Variants in JAG1 observed in about 807,000 individuals in gnomAD.
JAG1 encodes the protein jagged canonical Notch ligand 1.
A neutral mutation model predicts 148.7 loss-of-function variants in JAG1; 23 were observed. The ratio of observed to expected loss-of-function variants is 0.15; its 90% CI spans 0.11 to 0.22. The LOEUF (loss-of-function observed/expected upper bound fraction) is 0.22, where lower values mean the gene tolerates loss of function less well. JAG1 is among the 10% of genes least tolerant of loss of function. The pLI, the probability that JAG1 is intolerant of heterozygous loss-of-function variation, is 1.00. For synonymous variants in JAG1, 572 were observed against 598.3 expected (o/e 0.96, Z 0.64); for missense variants, 1,054 against 1,611.2 (o/e 0.65, Z 5.92).
rs749293754 is a variant in JAG1 at position 10,658,669 on chromosome 20, G to T, written c.493C>A (p.Arg165=). ...ASHSGMINPS[R]QWQTLKQNTG... is the part of the protein sequence containing the mutation. Reference sequence around the variant, plus strand: ...TTCTGCTTCAGCGTCTGCCACTGCCGGCTGGGGTTGATCATGCCCGAGTGA... The same window carrying T: ...TTCTGCTTCAGCGTCTGCCACTGCCTGCTGGGGTTGATCATGCCCGAGTGA... The change falls in exon 4 of 26, where the codon CGG becomes AGG. Residue 165 remains arginine (R), a synonymous_variant. Transcript: ENST00000254958. 3 of 1,614,084 alleles carry T rather than the reference G, an allele frequency of 1.9e-6. No homozygotes were observed. In the African/African-American group the frequency reaches 4.0e-5, roughly 22 times the overall value.
Position 10,652,721 on chromosome 20 carries a change from A to G in JAG1, c.756-123T>C, listed in dbSNP as rs553990059. 3.5e-5 allele frequency: 36 copies of G among 1,037,156 alleles called. No homozygotes were observed. In the African/African-American group the frequency reaches 5.7e-4, roughly 16 times the overall value. The allele number at this position is 1,037,156 out of a possible 1,614,324, so 64.2% of individuals were successfully genotyped here. A position where few individuals can be genotyped will look rare whatever the true frequency, so the allele number is the denominator to read the frequency against. On this transcript the variant is annotated intron_variant, in intron 5 of 25. Coordinates refer to ENST00000254958, the MANE Select transcript of JAG1 (RefSeq NM_000214.3). ...TTTGTTTCTGGGGACAGGAAGGTAG[A>G]CTCCCAAGGCTCATCAGGGGCTCCG...
chr20:10,663,929 T>A, intron 3 of JAG1, 34 bp downstream of exon 3: 2 of 1,587,010 alleles, frequency 1.3e-6, no homozygotes, highest in Non-Finnish European at 8.7e-7. Flanking sequence ...CTTCCACGTG[T>A]GTTTAGAGAA....
chr20:10,640,075 A>G (rs997327515), intron 25 of JAG1, 120 bp from the exon 26 acceptor site: 6 of 792,352 alleles, frequency 7.6e-6, no homozygotes, highest in Non-Finnish European at 1.3e-5. Context: ...GGGGGGCCAC[A>G]GGGACAAGTC....
chr20:10,653,337 A>G (rs2067358782), intron 5 of JAG1, among the ~76,000 whole-genome samples: 1 of 148,424 alleles, frequency 6.7e-6, no homozygotes, highest in Admixed American at 6.8e-5. Flanking sequence ...AGGTTCTTTT[A>G]TATAAGCACC....
chr20:10,648,793 C>A, intron 11 of JAG1, 71 bp from the exon 12 acceptor site: 1 of 1,448,682 alleles, frequency 6.9e-7, no homozygotes, highest in Non-Finnish European at 9.7e-7. Flanking sequence ...AGGGCTTCAG[C>A]GGTTTAGCAT....
At chr20:10,656,337 C>A in intron 5 of JAG1, 61 bp downstream of exon 5, 2 of 1,335,044 alleles carry the variant, frequency 1.5e-6, no homozygotes, top group South Asian at 2.3e-5. Context: ...ACAATAAAGT[C>A]AGTTCCTCTC....
chr20:10,641,550 C>T lies in JAG1; in HGVS notation c.2826G>A (p.Gln942=), dbSNP rs760765525. ...GVGECRSSSL[Q]PVKTKCTSDS... is the part of the protein sequence containing the mutation. Reference sequence around the variant, plus strand: ...CAGAGGTGCACTTTGTCTTCACCGGCTGGAGACTGGAAGACCGACACTCGC... The same window carrying T: ...CAGAGGTGCACTTTGTCTTCACCGGTTGGAGACTGGAAGACCGACACTCGC... The change falls in exon 23 of 26, where the codon CAG becomes CAA. Residue 942 remains glutamine, a synonymous_variant. Coordinates refer to ENST00000254958, the MANE Select transcript of JAG1 (RefSeq NM_000214.3). 7 of 1,614,210 alleles carry T rather than the reference C, an allele frequency of 4.3e-6. No individual in the cohort carries two copies. The highest frequency in any genetic ancestry group is 4.0e-5 in the African/African-American group (3 of 75,062).
chr20:10,645,929 G>T lies in JAG1; in HGVS notation c.1999+42C>A. 1.5e-6 allele frequency: 2 copies of T among 1,323,234 alleles called. No individual in the cohort carries two copies. The highest frequency in any genetic ancestry group is 2.2e-6 in the Non-Finnish European group (2 of 914,670). The allele number at this position is 1,323,234 out of a possible 1,614,324, so 82.0% of individuals were successfully genotyped here. ...CGTTGAAGTGGGATCCCTCCAACAT[G>T]ACCCATACATCCCAGAGCTCCCCAA... On this transcript the variant is annotated intron_variant, in intron 15 of 25. Coordinates refer to ENST00000254958, the MANE Select transcript of JAG1 (RefSeq NM_000214.3). The surrounding 1 kb of genome is among the most constrained non-coding windows in gnomAD (Gnocchi z 6.1).
rs2067271396 is a variant in JAG1, at chr20:10,641,511, C to T, written c.2865G>A (p.Gln955=). The change falls in exon 23 of 26, where the codon CAG becomes CAA. Residue 955 remains glutamine (Q), a synonymous_variant. Coordinates refer to ENST00000254958, the MANE Select transcript of JAG1 (RefSeq NM_000214.3). ...TAAATGTGATGTTCGCACAGTTATCCTGGTAATAGGAGTCAGAGGTGCACT... is the reference window on the plus strand; with the variant it reads ...TAAATGTGATGTTCGCACAGTTATCTTGGTAATAGGAGTCAGAGGTGCACT... ...KTKCTSDSYY[Q]DNCANITFTF... 1.2e-6 allele frequency: 2 copies of T among 1,614,090 alleles called. No individual in the cohort carries two copies. Among genetic ancestry groups the T allele is most frequent in the South Asian group, 2.2e-5 (2 of 91,088 alleles).
In JAG1 at chr20:10,673,505, C is replaced by A. The variant is rs1248965484; in HGVS notation, c.26G>T (p.Arg9Leu). The change falls in exon 1 of 26, where the codon CGG (arginine) becomes CTG (leucine). Residue 9 changes from arginine to leucine, a missense_variant. Arg to Leu is a moderately radical substitution (Grantham distance 102, BLOSUM62 -2). Coordinates refer to ENST00000254958, the MANE Select transcript of JAG1 (RefSeq NM_000214.3). This position sits in a 1 kb window ranked among gnomAD's most constrained non-coding sequence, Gnocchi z 4.7. MRSPRTRG[R>L]SGRPLSLLLA... ...CAGGAGGCTTAGGGGGCGCCCGGAC[C>A]GGCCGCGCGTCCGTGGGGAACGCAT... 3.2e-6 allele frequency: 4 copies of A among 1,267,686 alleles called. No individual in the cohort carries two copies. The highest frequency in any genetic ancestry group is 3.0e-6 in the Non-Finnish European group (3 of 999,616). 78.5% of individuals were successfully genotyped at this position (1,267,686 alleles called of 1,614,324 possible). A position where few individuals can be genotyped will look rare whatever the true frequency, so the allele number is the denominator to read the frequency against.
chr20:10,671,809 C>A (rs1416546230), intron 2 of JAG1, among the ~76,000 whole-genome samples: 8 of 152,210 alleles, frequency 5.3e-5, no homozygotes, highest in African/African-American at 1.9e-4. Flanking sequence ...GCAGGATCTG[C>A]CAGCTGGGCC....
intron 2 of JAG1, among the ~76,000 whole-genome samples, chr20:10,664,446 T>G (rs2067439156): frequency 2.0e-5 from 3 of 150,782 alleles, no homozygotes; most frequent in African/African-American, 7.3e-5. Context: ...AACCAGGTAT[T>G]TGTACCGAGG....
chr20:10,671,542 C>A (rs1456569268), intron 2 of JAG1, among the ~76,000 whole-genome samples: 1 of 152,092 alleles, frequency 6.6e-6, no homozygotes, highest in Non-Finnish European at 1.5e-5. Flanking sequence ...ACAACCTAAG[C>A]CGGCGGACAG....
chr20:10,659,913 C>T (rs1176472606), intron 3 of JAG1, among the ~76,000 whole-genome samples: 12 of 152,174 alleles, frequency 7.9e-5, no homozygotes, highest in Admixed American at 7.8e-4. Flanking sequence ...CAGGTGCCAG[C>T]AGTTCAGGGG....
chr20:10,650,173 CTCG>C (rs1048019623), intron 9 of JAG1, 71 bp downstream of exon 9: 1 of 907,182 alleles, frequency 1.1e-6, no homozygotes. Flanking sequence ...CGGCCACACG[CTCG>C]TCTTCTGTAA....
Position 10,639,266 on chromosome 20 carries a change from G to A in JAG1, c.*232C>T. ...ATCCGAGACCGTGTCGGCTGCAAGG[G>A]GACACACAACCAGGGTACTGTTGAC... On this transcript the variant is annotated 3_prime_UTR_variant, in exon 26 of 26. Coordinates refer to ENST00000254958, the MANE Select transcript of JAG1 (RefSeq NM_000214.3). 2 of 582,480 alleles carry A rather than the reference G, an allele frequency of 3.4e-6. No homozygotes were observed. Among genetic ancestry groups the A allele is most frequent in the Non-Finnish European group, 6.3e-6 (2 of 317,986 alleles). 36.1% of individuals were successfully genotyped at this position (582,480 alleles called of 1,614,324 possible).
rs906608550 is a variant in JAG1 at position 10,658,559 on chromosome 20, G to C, written c.603C>G (p.Arg201=). 6.2e-7 allele frequency: 1 copy of C among 1,614,084 alleles called. No individual in the cohort carries two copies. The highest frequency in any genetic ancestry group is 1.3e-5 in the African/African-American group (1 of 74,936). The part of the protein sequence containing the change: ...YYGFGCNKFC[R]PRDDFFGHYA... Reference sequence around the variant, plus strand: ...AGTGTCCAAAGAAGTCATCTCTGGGGCGGCAGAACTTATTGCAGCCAAAGC... The same window carrying C: ...AGTGTCCAAAGAAGTCATCTCTGGGCCGGCAGAACTTATTGCAGCCAAAGC... The change falls in exon 4 of 26, where the codon CGC becomes CGG. Residue 201 remains arginine (R), a synonymous_variant. Transcript: ENST00000254958.
In JAG1 at chr20:10,645,887, CAAAG is replaced by C; in HGVS notation, c.1999+80_1999+83del. On this transcript the variant is annotated intron_variant, in intron 15 of 25. Transcript: ENST00000254958. The surrounding 1 kb of genome is among the most constrained non-coding windows in gnomAD (Gnocchi z 6.1). ...GTCTTGCTTCCAGAGATTTCCAGTA[CAAAG>C]AAAGTTTTCCCACGTTGAAGTGGGA... The C allele has an allele frequency of 3.2e-6, 3 of 948,134 alleles. No individual in the cohort carries two copies. The highest frequency in any genetic ancestry group is 5.2e-6 in the Non-Finnish European group (3 of 573,890). The allele number at this position is 948,134 out of a possible 1,614,324, so 58.7% of individuals were successfully genotyped here. A position where few individuals can be genotyped will look rare whatever the true frequency, so the allele number is the denominator to read the frequency against.
In JAG1 at chr20:10,645,941, C is replaced by T; in HGVS notation, c.1999+30G>A. On this transcript the variant is annotated intron_variant, in intron 15 of 25. Transcript: ENST00000254958. This position sits in a 1 kb window ranked among gnomAD's most constrained non-coding sequence, Gnocchi z 6.1. ...ATCCCTCCAACATGACCCATACATC[C>T]CAGAGCTCCCCAAAGAGTGGCAGAC... 2.1e-6 allele frequency: 3 copies of T among 1,450,734 alleles called. No homozygotes were observed. The highest frequency in any genetic ancestry group is 2.9e-6 in the Non-Finnish European group (3 of 1,030,972). 89.9% of individuals were successfully genotyped at this position (1,450,734 alleles called of 1,614,324 possible).
Sources: allele counts gnomAD v4.1 joint callset (sites outside exome capture counted in the v4.1 genomes callset), GRCh38; gene constraint gnomAD v4.1.1; non-coding constraint Gnocchi (gnomAD v3.1); transcripts MANE v1.5; gene names NCBI Gene and HGNC (gene_info 2026-07-23, HGNC 2026-07-21).